Variants in ZNF429 observed in about 807,000 individuals in gnomAD.
ZNF429 encodes zinc finger protein 429.
In ZNF429, 53 loss-of-function variants were observed where a neutral mutation model predicts 56.8. That is an observed-to-expected ratio of 0.93 (90% CI 0.75 to 1.17). The LOEUF (loss-of-function observed/expected upper bound fraction) is 1.17. Ranked by LOEUF, ZNF429 falls within the 50% of genes most tolerant of loss-of-function variation. ZNF429 has a pLI of 0.00. For missense variants in ZNF429, 849 were observed against 788.4 expected (o/e 1.08, Z -0.92); for synonymous variants, 278 against 264.7 (o/e 1.05, Z -0.49).
In ZNF429 at chr19:21,535,449, TTTCTTTCTTTCTTTCTTTC is replaced by T; in HGVS notation, c.227-828_227-810del. On this transcript the variant is annotated intron_variant, in intron 3 of 3. Transcript: ENST00000358491. The stretch of plus-strand genomic sequence containing the variant: ...CTTTCTTTCTTTCTTTCTTTCTTTC[TTTCTTTCTTTCTTTCTTTC>T]TTTCTTTCTTTCTTTCTTTCTTTCT... Among the ~76,000 whole-genome samples the T allele has an allele frequency of 3.9e-5, 4 of 102,622 alleles. 1 individual carries two copies. Among genetic ancestry groups the T allele is most frequent in the African/African-American group, 1.4e-4 (3 of 21,788 alleles). 67.3% of individuals were successfully genotyped at this position (102,622 alleles called of 152,430 possible). A position where few individuals can be genotyped will look rare whatever the true frequency, so the allele number is the denominator to read the frequency against.
At chr19:21,505,900 C>A in intron 1 of ZNF429, 126 bp downstream of exon 1, 1 of 1,072,330 alleles carries the variant, frequency 9.3e-7, no homozygotes, top group Non-Finnish European at 1.4e-6. Context: ...ATTCTCCTTG[C>A]CCAGCTCGGC....
chr19:21,512,522 G>A lies in ZNF429; in HGVS notation c.3+6748G>A, dbSNP rs867212124. Among the ~76,000 whole-genome samples, 11 of 152,004 alleles carry A rather than the reference G, an allele frequency of 7.2e-5. No individual in the cohort carries two copies. The Middle Eastern group carries it at 0.014, about 188-fold the overall frequency. On this transcript the variant is annotated intron_variant, in intron 1 of 3. Transcript: ENST00000358491. ...TAAAAAAAAATATAAAAATTAGCTGGGCATGGTGGCGGGCGCCTGTAATCC... is the reference window on the plus strand; with the variant it reads ...TAAAAAAAAATATAAAAATTAGCTGAGCATGGTGGCGGGCGCCTGTAATCC...
intron 1 of ZNF429, chr19:21,518,552 A>G (rs1395477131): frequency 1.3e-5 from 2 of 152,004 alleles, no homozygotes; most frequent in African/African-American, 4.8e-5. Flanking sequence ...ACTGAATTAT[A>G]TCTTTTTTTT....
At chr19:21,532,154 G>A in intron 3 of ZNF429, among the ~76,000 whole-genome samples, 1 of 151,340 alleles carries the variant, frequency 6.6e-6, no homozygotes, top group Non-Finnish European at 1.5e-5. Flanking sequence ...AAAATATTTT[G>A]TATCTATGGA....
rs1219337691 is a variant in ZNF429 at position 21,539,467 on chromosome 19, G to A, written c.*1389G>A. 5.9e-5 allele frequency among the ~76,000 whole-genome samples: 9 copies of A among 152,030 alleles called. No individual in the cohort carries two copies. The highest frequency in any genetic ancestry group is 2.1e-4 in the South Asian group (1 of 4,810). On this transcript the variant is annotated 3_prime_UTR_variant, in exon 4 of 4. Transcript: ENST00000358491. The stretch of plus-strand genomic sequence containing the variant: ...GATGGAGTCTCACTTTGTTGCCTAC[G>A]TTGGAGTTCAGTGGCACAATTTCAG...
At chr19:21,530,808 G>T in intron 3 of ZNF429, 124 bp downstream of exon 3, 2 of 823,562 alleles carry the variant, frequency 2.4e-6, no homozygotes, top group Non-Finnish European at 3.7e-6. Flanking sequence ...GAAAAACTGT[G>T]TTCTAAAAAA....
At chr19:21,535,366 T>TTTTC in intron 3 of ZNF429, among the ~76,000 whole-genome samples, 1 of 98,828 alleles carries the variant, frequency 1.0e-5, no homozygotes, top group East Asian at 2.5e-4. Flanking sequence ...TTCTTCTTTC[T>TTTTC]TTCTTTCTTT....
intron 3 of ZNF429, among the ~76,000 whole-genome samples, chr19:21,531,416 T>A: frequency 6.6e-6 from 1 of 152,174 alleles, no homozygotes; most frequent in South Asian, 2.1e-4. Context: ...TTCTTCACAT[T>A]CACAGACACC....
Position 21,517,880 on chromosome 19 carries a change from G to A in ZNF429, c.4-11778G>A, listed in dbSNP as rs7255176. ...TCGATCTCAGCTCACTGCAAGCTCCGTCTCCCAGGTTCACGCCATTCACCT... is the reference window on the plus strand; with the variant it reads ...TCGATCTCAGCTCACTGCAAGCTCCATCTCCCAGGTTCACGCCATTCACCT... On this transcript the variant is annotated intron_variant, in intron 1 of 3. Transcript: ENST00000358491. Among the ~76,000 whole-genome samples the A allele has an allele frequency of 1.6e-4, 24 of 149,232 alleles. No homozygotes were observed. In the East Asian group the frequency reaches 2.0e-3, roughly 12 times the overall value.
At chr19:21,511,732 A>G (rs10411751) in intron 1 of ZNF429, among the ~76,000 whole-genome samples, 28,777 of 150,272 alleles carry the variant, frequency 0.19, 2,827 homozygotes, top group African/African-American at 0.22. Flanking sequence ...AGGCGGCTGG[A>G]AGGTGGAGGT....
intron 1 of ZNF429, among the ~76,000 whole-genome samples, chr19:21,517,524 T>C (rs1304109069): frequency 6.6e-6 from 1 of 152,214 alleles, no homozygotes; most frequent in Non-Finnish European, 1.5e-5. Context: ...AGCTTTTCTT[T>C]GTACATCTAG....
chr19:21,536,162 G>C, intron 3 of ZNF429, 118 bp from the exon 4 acceptor site: 1 of 1,002,756 alleles, frequency 1.0e-6, no homozygotes, highest in Non-Finnish European at 1.4e-6. Context: ...ATTAGAATCT[G>C]GTATTTTGCT....
intron 3 of ZNF429, among the ~76,000 whole-genome samples, chr19:21,534,918 T>C: frequency 6.6e-6 from 1 of 151,332 alleles, no homozygotes; most frequent in Non-Finnish European, 1.5e-5. Flanking sequence ...CACGCCATTC[T>C]CCTGCCTCAG....
At chr19:21,535,292 T>TTTCC in intron 3 of ZNF429, among the ~76,000 whole-genome samples, 1 of 135,200 alleles carries the variant, frequency 7.4e-6, no homozygotes, top group African/African-American at 2.9e-5. Context: ...CCACCATTTC[T>TTTCC]TTCCTTCTTT....
chr19:21,512,568 G>T (rs938627586), intron 1 of ZNF429, among the ~76,000 whole-genome samples: 2 of 149,756 alleles, frequency 1.3e-5, no homozygotes, highest in African/African-American at 4.9e-5. Flanking sequence ...GGAGACAGAG[G>T]CAGGAGAATC....
intron 1 of ZNF429, among the ~76,000 whole-genome samples, chr19:21,518,161 A>T (rs990435011): frequency 6.6e-6 from 1 of 152,068 alleles, no homozygotes; most frequent in African/African-American, 2.4e-5. Flanking sequence ...AAAAGATTTA[A>T]CTCCTGGATT....
chr19:21,525,556 G>T (rs2033133321), intron 1 of ZNF429, among the ~76,000 whole-genome samples: 1 of 152,020 alleles, frequency 6.6e-6, no homozygotes, highest in South Asian at 2.1e-4. Flanking sequence ...CAGAGTTTTG[G>T]GTGGTATATT....
Position 21,530,546 on chromosome 19 carries a change from A to G in ZNF429, c.131-43A>G. 3.5e-6 allele frequency: 5 copies of G among 1,442,450 alleles called. No individual in the cohort carries two copies. The Admixed American group carries it at 8.1e-5, about 23-fold the overall frequency. 89.4% of individuals were successfully genotyped at this position (1,442,450 alleles called of 1,614,324 possible). On this transcript the variant is annotated intron_variant, in intron 2 of 3. Coordinates refer to ENST00000358491, the MANE Select transcript of ZNF429 (RefSeq NM_001001415.4). ...AGCACATTACTAAATTGGTAATTAC[A>G]GAATATAAGCAAGATTCATCTTCTT... is the stretch of plus-strand genomic sequence containing the variant.
rs1250732062 is a variant in ZNF429 at position 21,537,799 on chromosome 19, T to A, written c.1746T>A (p.Ser582Arg). ...KAFTHSSNLS[S>R]HKKIHSGEKP... The stretch of plus-strand genomic sequence containing the variant: ...TTACCCACTCCTCAAACCTTAGTAG[T>A]CATAAGAAAATTCATAGTGGAGAGA... The change falls in exon 4 of 4, where the codon AGT (serine) becomes AGA (arginine). Residue 582 changes from serine to arginine, a missense_variant. Ser to Arg is a moderately radical substitution (Grantham distance 110). Transcript: ENST00000358491. 1.2e-6 allele frequency: 2 copies of A among 1,600,456 alleles called. No individual in the cohort carries two copies. Among genetic ancestry groups the A allele is most frequent in the African/African-American group, 2.8e-5 (2 of 70,540 alleles).
Sources: gnomAD v4.1 joint callset for allele counts (sites outside exome capture counted in the v4.1 genomes callset) on GRCh38, gnomAD v4.1.1 for gene constraint, MANE v1.5 for transcripts, NCBI Gene and HGNC (gene_info 2026-07-23, HGNC 2026-07-21) for gene names.